The following STXBP6 variants were observed in gnomAD, a reference collection of about 807,000 sequenced individuals.
STXBP6 encodes the protein syntaxin binding protein 6.
In STXBP6, 21 loss-of-function variants were observed where a neutral mutation model predicts 26.9. That is an observed-to-expected ratio of 0.78 (90% CI 0.55 to 1.12). The LOEUF (loss-of-function observed/expected upper bound fraction) is 1.12. Among genes scored for constraint, STXBP6 ranks in the 50% most tolerant of loss-of-function variants. The pLI is 0.00. For missense variants in STXBP6, 232 were observed against 257.9 expected (o/e 0.90, Z 0.69); for synonymous variants, 97 against 92.6 (o/e 1.05, Z -0.27).
intron 2 of STXBP6, among the ~76,000 whole-genome samples, chr14:24,887,634 C>T (rs2070638750): frequency 6.6e-6 from 1 of 152,136 alleles, no homozygotes; most frequent in South Asian, 2.1e-4. Context: ...TGAACTCAGG[C>T]AAATCATTTC....
chr14:24,940,162 T>G (rs553529473), intron 2 of STXBP6, among the ~76,000 whole-genome samples: 9 of 152,326 alleles, frequency 5.9e-5, no homozygotes, highest in African/African-American at 2.2e-4. Flanking sequence ...TTGGTACCTA[T>G]AGCAGAACAC....
intron 1 of STXBP6, among the ~76,000 whole-genome samples, chr14:25,004,329 C>T (rs921446427): frequency 2.6e-5 from 4 of 152,284 alleles, no homozygotes; most frequent in East Asian, 1.9e-4. Context: ...TTCTTCCATG[C>T]GGGCCCAGTT....
At chr14:24,823,464 T>A (rs1335041563) in intron 4 of STXBP6, among the ~76,000 whole-genome samples, 1 of 152,190 alleles carries the variant, frequency 6.6e-6, no homozygotes, top group Non-Finnish European at 1.5e-5. Flanking sequence ...GTAATTAAAA[T>A]CCTTAATTCT....
At chr14:24,958,328 G>A (rs1403276137) in intron 2 of STXBP6, among the ~76,000 whole-genome samples, 2 of 152,082 alleles carry the variant, frequency 1.3e-5, no homozygotes, top group African/African-American at 4.8e-5. Context: ...AATTAAACTG[G>A]TCACAGGAAA....
chr14:24,907,317 G>C (rs763289035), intron 2 of STXBP6, among the ~76,000 whole-genome samples: 27 of 152,026 alleles, frequency 1.8e-4, no homozygotes, highest in Admixed American at 1.4e-3. Flanking sequence ...AAATAAACAA[G>C]TGAAAGGATA....
At chr14:24,834,358 T>G (rs1298492699) in intron 4 of STXBP6, among the ~76,000 whole-genome samples, 1 of 152,188 alleles carries the variant, frequency 6.6e-6, no homozygotes, top group Non-Finnish European at 1.5e-5. Context: ...TTTAACAGAA[T>G]CACACCTAAA....
At position 25,049,516 on chromosome 14, in the gene STXBP6, G is replaced by C. The variant is rs1168810165; in HGVS notation, c.-33+362C>G. 1 of 985,520 alleles carries C rather than the reference G, an allele frequency of 1.0e-6. No homozygotes were observed. The highest frequency in any genetic ancestry group is 1.2e-6 in the Non-Finnish European group (1 of 830,026). 61.0% of individuals were successfully genotyped at this position (985,520 alleles called of 1,614,324 possible). The stretch of plus-strand genomic sequence containing the variant: ...GGGAGCCTCGGGGCAGCATTCTCGG[G>C]GCCCATGCCATCGCGGGGACGGTGC... On this transcript the variant is annotated intron_variant, in intron 1 of 5. Transcript: ENST00000323944. This position sits in a 1 kb window ranked among gnomAD's most constrained non-coding sequence, Gnocchi z 5.6.
At chr14:24,879,660 G>A (rs569091510) in intron 2 of STXBP6, among the ~76,000 whole-genome samples, 16 of 152,318 alleles carry the variant, frequency 1.1e-4, no homozygotes, top group Admixed American at 7.2e-4. Flanking sequence ...AGACAAACAA[G>A]TTGACAGAAT....
At chr14:24,877,086 G>C (rs2070171374) in intron 2 of STXBP6, among the ~76,000 whole-genome samples, 1 of 152,174 alleles carries the variant, frequency 6.6e-6, no homozygotes, top group Non-Finnish European at 1.5e-5. Flanking sequence ...GGAATGCTAA[G>C]AAGTATGAGC....
At chr14:24,931,685 G>T (rs1162445802) in intron 2 of STXBP6, among the ~76,000 whole-genome samples, 2 of 152,090 alleles carry the variant, frequency 1.3e-5, no homozygotes, top group African/African-American at 4.8e-5. Context: ...AATGAGAAGG[G>T]TAAGTCCAAA....
intron 1 of STXBP6, among the ~76,000 whole-genome samples, chr14:25,009,153 T>C (rs1489153043): frequency 6.6e-6 from 1 of 152,200 alleles, no homozygotes; most frequent in Non-Finnish European, 1.5e-5. Flanking sequence ...AATGGTCTCA[T>C]TCAACTATCG....
chr14:24,948,254 T>C (rs748839451), intron 2 of STXBP6, among the ~76,000 whole-genome samples: 6 of 152,096 alleles, frequency 3.9e-5, no homozygotes, highest in African/African-American at 1.4e-4. Context: ...GGCTTCTAGG[T>C]GGTGGCATTA....
chr14:24,933,214 T>C (rs540796053), intron 2 of STXBP6, among the ~76,000 whole-genome samples: 26 of 152,140 alleles, frequency 1.7e-4, no homozygotes, highest in Non-Finnish European at 3.4e-4. Flanking sequence ...CAGTGGTGAC[T>C]GCCTATAGTC....
At chr14:24,902,190 T>A (rs867042463) in intron 2 of STXBP6, among the ~76,000 whole-genome samples, 10 of 152,162 alleles carry the variant, frequency 6.6e-5, no homozygotes, top group Non-Finnish European at 2.9e-5. Flanking sequence ...ACAAGAATAG[T>A]CATCATAAAA....
chr14:24,843,808 T>C (rs1317949950), intron 4 of STXBP6, among the ~76,000 whole-genome samples: 1 of 152,178 alleles, frequency 6.6e-6, no homozygotes, highest in Non-Finnish European at 1.5e-5. Flanking sequence ...GAATATATAT[T>C]TGGTCTCTGC....
At chr14:24,946,810 C>T (rs2073008445) in intron 2 of STXBP6, among the ~76,000 whole-genome samples, 1 of 152,002 alleles carries the variant, frequency 6.6e-6, no homozygotes, top group Non-Finnish European at 1.5e-5. Context: ...TTTCATAGGG[C>T]AGATTGGAGA....
At chr14:25,032,642 G>A (rs1449459155) in intron 1 of STXBP6, among the ~76,000 whole-genome samples, 1 of 152,222 alleles carries the variant, frequency 6.6e-6, no homozygotes, top group Non-Finnish European at 1.5e-5. Context: ...CCCACTAGTG[G>A]TGGGGAGGAC....
chr14:24,989,445 G>A (rs1323482405), intron 1 of STXBP6, among the ~76,000 whole-genome samples: 1 of 152,118 alleles, frequency 6.6e-6, no homozygotes, highest in African/African-American at 2.4e-5. Flanking sequence ...TGAACTAAGG[G>A]CATCAAAATA....
chr14:24,974,899 G>GAACCCTTACAATGTT, intron 1 of STXBP6, 49 bp from the exon 2 acceptor site: 2 of 1,258,756 alleles, frequency 1.6e-6, no homozygotes, highest in Non-Finnish European at 2.1e-6. Flanking sequence ...AACATTGTAA[G>GAACCCTTACAATGTT]GGTTCATACA....
Sources: allele counts gnomAD v4.1 joint callset (sites outside exome capture counted in the v4.1 genomes callset), GRCh38; gene constraint gnomAD v4.1.1; non-coding constraint Gnocchi (gnomAD v3.1); transcripts MANE v1.5; gene names NCBI Gene and HGNC (gene_info 2026-07-23, HGNC 2026-07-21).